The following RABGAP1L variants were observed in gnomAD, a reference collection of about 807,000 sequenced individuals.
RABGAP1L encodes the protein RAB GTPase activating protein 1 like, also known as rab GTPase-activating protein 1-like.
Under a neutral mutation model 137.7 loss-of-function variants are expected in RABGAP1L, and 63 were observed. That is an observed-to-expected ratio of 0.46 (90% confidence interval 0.37 to 0.56). RABGAP1L has a LOEUF of 0.56. Ranked by LOEUF, RABGAP1L falls within the 20% of genes least tolerant of loss-of-function variation. The pLI is 0.00. For missense variants in RABGAP1L, 1,095 were observed against 1,244.0 expected (o/e 0.88, Z 1.80); for synonymous variants, 431 against 433.7 (o/e 0.99, Z 0.08).
chr1:174,453,988 G>T (rs1007703494), intron 13 of RABGAP1L, among the ~76,000 whole-genome samples: 1 of 152,088 alleles, frequency 6.6e-6, no homozygotes, highest in Non-Finnish European at 1.5e-5. Flanking sequence ...CTGAAGGCTG[G>T]GCGCGGTGGC....
intron 21 of RABGAP1L, among the ~76,000 whole-genome samples, chr1:174,972,041 AACT>A (rs1304491642): frequency 6.6e-6 from 1 of 152,198 alleles, no homozygotes; most frequent in African/African-American, 2.4e-5. Flanking sequence ...CTCTCTTGAG[AACT>A]CGCCCTCTCT....
intron 13 of RABGAP1L, among the ~76,000 whole-genome samples, chr1:174,449,946 C>T (rs1655243946): frequency 6.6e-6 from 1 of 152,026 alleles, no homozygotes. Context: ...TTAGAAGTGT[C>T]TTAGCTATTG....
At chr1:174,260,341 G>A (rs568184709) in intron 7 of RABGAP1L, among the ~76,000 whole-genome samples, 2 of 152,222 alleles carry the variant, frequency 1.3e-5, no homozygotes, top group South Asian at 4.1e-4. Context: ...GGTATTCTTT[G>A]GTATCTTTTC....
chr1:174,343,804 A>G (rs1682194186), intron 11 of RABGAP1L, among the ~76,000 whole-genome samples: 1 of 152,068 alleles, frequency 6.6e-6, no homozygotes, highest in Admixed American at 6.5e-5. Context: ...TAAGCAGTCT[A>G]TATTGTTTTG....
chr1:174,655,662 C>T (rs1042668941), intron 14 of RABGAP1L, among the ~76,000 whole-genome samples: 3 of 151,938 alleles, frequency 2.0e-5, no homozygotes, highest in African/African-American at 7.3e-5. Flanking sequence ...ATTTAATTGC[C>T]CCATTTCTCA....
At chr1:174,875,312 G>A (rs1036302393) in intron 19 of RABGAP1L, among the ~76,000 whole-genome samples, 71 of 152,296 alleles carry the variant, frequency 4.7e-4, no homozygotes, top group African/African-American at 1.7e-3. Context: ...ATTTAAAATT[G>A]TTTTTTCTGG....
intron 13 of RABGAP1L, among the ~76,000 whole-genome samples, chr1:174,621,550 C>A (rs1413434183): frequency 6.6e-6 from 1 of 152,144 alleles, no homozygotes. Context: ...AGTAACACGG[C>A]ATATCTAAAC....
chr1:174,560,223 C>CT (rs909893210), intron 13 of RABGAP1L, among the ~76,000 whole-genome samples: 1 of 151,954 alleles, frequency 6.6e-6, no homozygotes, highest in African/African-American at 2.4e-5. Context: ...GTCAAGAAGA[C>CT]TTTTTTTTCT....
chr1:174,270,011 A>G (rs986657233), intron 7 of RABGAP1L, among the ~76,000 whole-genome samples: 3 of 152,230 alleles, frequency 2.0e-5, no homozygotes, highest in Non-Finnish European at 4.4e-5. Context: ...TGGCCTCCAT[A>G]GGAATCCTGG....
chr1:174,689,387 A>G (rs1222856836), intron 15 of RABGAP1L, among the ~76,000 whole-genome samples: 1 of 151,934 alleles, frequency 6.6e-6, no homozygotes. Context: ...ATATTATTCA[A>G]GACTCTTTCT....
intron 11 of RABGAP1L, among the ~76,000 whole-genome samples, chr1:174,306,071 A>G (rs941642513): frequency 6.6e-6 from 1 of 152,162 alleles, no homozygotes; most frequent in Non-Finnish European, 1.5e-5. Context: ...AGCTTCATCC[A>G]TGTCCCTACA....
At chr1:174,703,309 A>G (rs1209347743) in intron 17 of RABGAP1L, among the ~76,000 whole-genome samples, 3 of 152,152 alleles carry the variant, frequency 2.0e-5, no homozygotes, top group Admixed American at 2.0e-4. Context: ...ATTATTACAA[A>G]TTCTGTGTCC....
At chr1:174,640,107 T>C (rs1400421360) in intron 14 of RABGAP1L, among the ~76,000 whole-genome samples, 4 of 152,172 alleles carry the variant, frequency 2.6e-5, no homozygotes, top group African/African-American at 7.2e-5. Flanking sequence ...AATGCTGTAC[T>C]GAGCTGTATA....
intron 19 of RABGAP1L, among the ~76,000 whole-genome samples, chr1:174,867,131 C>T (rs933443852): frequency 6.6e-6 from 1 of 151,984 alleles, no homozygotes; most frequent in East Asian, 1.9e-4. Flanking sequence ...GCCTGTAATC[C>T]CAGCATGTTG....
intron 13 of RABGAP1L, among the ~76,000 whole-genome samples, chr1:174,465,249 G>C (rs748639871): frequency 3.3e-5 from 5 of 152,138 alleles, no homozygotes; most frequent in Non-Finnish European, 7.4e-5. Context: ...ACCCAGGCTG[G>C]AGTGCAATGG....
At chr1:174,614,992 A>G (rs1023679280) in intron 13 of RABGAP1L, among the ~76,000 whole-genome samples, 1 of 152,098 alleles carries the variant, frequency 6.6e-6, no homozygotes, top group South Asian at 2.1e-4. Context: ...AATTTTTTTC[A>G]AAGTTATTAA....
intron 13 of RABGAP1L, among the ~76,000 whole-genome samples, chr1:174,514,554 A>G (rs1662642972): frequency 1.3e-5 from 2 of 152,210 alleles, no homozygotes; most frequent in Admixed American, 1.3e-4. Context: ...ACTGCCATTT[A>G]CCATTTGCTA....
rs546994687 is a variant in RABGAP1L, at chr1:174,238,291, G to A, written c.543-3192G>A. ...CAGCTCGTCAGTCATTCTCCATCCA[G>A]GTTTGTTCCGTTGCCGGTGAGGAAC... On this transcript the variant is annotated intron_variant, in intron 4 of 25. Transcript: ENST00000681986. 4.3e-4 allele frequency among the ~76,000 whole-genome samples: 65 copies of A among 152,298 alleles called. 1 individual carries two copies. Among genetic ancestry groups the A allele is most frequent in the Middle Eastern group, 6.8e-3 (2 of 294 alleles).
At chr1:174,851,545 A>G (rs1041245721) in intron 19 of RABGAP1L, among the ~76,000 whole-genome samples, 5 of 151,850 alleles carry the variant, frequency 3.3e-5, no homozygotes, top group African/African-American at 1.2e-4. Flanking sequence ...TTTTTGAGAC[A>G]GGGCCTTGCT....
Sources: gnomAD v4.1 joint callset for allele counts (sites outside exome capture counted in the v4.1 genomes callset) on GRCh38, gnomAD v4.1.1 for gene constraint, MANE v1.5 for transcripts, NCBI Gene and HGNC (gene_info 2026-07-23, HGNC 2026-07-21) for gene names.